Variants in CLIC5 observed in about 807,000 individuals in gnomAD.
CLIC5 encodes the protein chloride intracellular channel protein 5.
Under a neutral mutation model 24.7 loss-of-function variants are expected in CLIC5, and 20 were observed. The ratio of observed to expected loss-of-function variants is 0.81; its 90% CI spans 0.57 to 1.18. The LOEUF is 1.18. Ranked by LOEUF, CLIC5 falls within the 50% of genes most tolerant of loss-of-function variation. CLIC5 has a pLI of 0.00. For missense variants in CLIC5, 341 were observed against 326.1 expected (o/e 1.05, Z -0.35); for synonymous variants, 159 against 135.6 (o/e 1.17, Z -1.20).
chr6:46,009,235 C>T (rs1387739444), intron 1 of CLIC5, among the ~76,000 whole-genome samples: 1 of 151,858 alleles, frequency 6.6e-6, no homozygotes, highest in Non-Finnish European at 1.5e-5. Context: ...AAGTTAACAA[C>T]TCCATTTCTT....
chr6:45,886,907 T>G (rs9369587), intron 6 of CLIC5, among the ~76,000 whole-genome samples: 47,415 of 152,048 alleles, frequency 0.31, 8,606 homozygotes, highest in East Asian at 0.68. Flanking sequence ...GATCTCCTGA[T>G]CATTCCTGGG....
At chr6:46,096,667 C>CAAGCTGCG in the CLIC5 span, among the ~76,000 whole-genome samples, 1 of 152,300 alleles carries the variant, frequency 6.6e-6, no homozygotes, top group South Asian at 2.1e-4. Flanking sequence ...TAGCTGGCTG[C>CAAGCTGCG]AAGCTGCTTC....
chr6:46,057,411 C>T (rs955573128), intron 1 of CLIC5, among the ~76,000 whole-genome samples: 2 of 152,230 alleles, frequency 1.3e-5, no homozygotes, highest in Non-Finnish European at 2.9e-5. Context: ...TCTGAGTCCT[C>T]CCCAGCCATG....
At chr6:46,053,326 A>AAAGAAAACAGGAGAAT (rs1476246562) in intron 1 of CLIC5, among the ~76,000 whole-genome samples, 2 of 152,238 alleles carry the variant, frequency 1.3e-5, no homozygotes, top group Non-Finnish European at 2.9e-5. Context: ...CCAGTGATAT[A>AAAGAAAACAGGAGAAT]AAGAAAACAG....
At chr6:46,107,707 T>C in the CLIC5 span, among the ~76,000 whole-genome samples, 2 of 152,160 alleles carry the variant, frequency 1.3e-5, no homozygotes, top group Non-Finnish European at 2.9e-5. Flanking sequence ...TTTTAAAAGT[T>C]GTCTTAAATT....
At chr6:45,976,217 G>A (rs146779367) in intron 1 of CLIC5, among the ~76,000 whole-genome samples, 2 of 152,318 alleles carry the variant, frequency 1.3e-5, no homozygotes, top group African/African-American at 4.8e-5. Flanking sequence ...GGAATAAATG[G>A]TAAATAGGAG....
At chr6:45,932,410 T>C (rs761326034) in intron 4 of CLIC5, among the ~76,000 whole-genome samples, 56 of 152,224 alleles carry the variant, frequency 3.7e-4, no homozygotes, top group Non-Finnish European at 1.3e-4. Flanking sequence ...CCCGGCCTAA[T>C]TGTAAACTTT....
Position 46,006,000 on chromosome 6 carries a change from TTA to T in CLIC5, c.63+9478_63+9479del, listed in dbSNP as rs1265097108. On this transcript the variant is annotated intron_variant, in intron 1 of 5. Coordinates refer to ENST00000339561, the MANE Select transcript of CLIC5 (RefSeq NM_016929.5). ...TGTGTGTATATATATATATATATAT[TTA>T]TATATATATATATACACACATGTAT... is the stretch of plus-strand genomic sequence containing the variant. Among the ~76,000 whole-genome samples the T allele has an allele frequency of 4.9e-3, 516 of 106,132 alleles. 7 individuals carry two copies. Among genetic ancestry groups the T allele is most frequent in the African/African-American group, 0.014 (433 of 30,262 alleles). 69.6% of individuals were successfully genotyped at this position (106,132 alleles called of 152,430 possible).
At chr6:46,065,007 A>AT (rs1762402135) in intron 1 of CLIC5, among the ~76,000 whole-genome samples, 1 of 152,210 alleles carries the variant, frequency 6.6e-6, no homozygotes, top group South Asian at 2.1e-4. Context: ...GGCCATACTT[A>AT]TAAACTATTT....
the CLIC5 span, among the ~76,000 whole-genome samples, chr6:46,114,171 C>T: frequency 6.6e-6 from 1 of 152,136 alleles, no homozygotes; most frequent in Non-Finnish European, 1.5e-5. Context: ...TTATGTGGAA[C>T]CCTTTCTTGA....
chr6:45,954,995 C>T (rs1764595219), intron 2 of CLIC5, 140 bp downstream of exon 2: 2 of 579,774 alleles, frequency 3.4e-6, no homozygotes, highest in East Asian at 2.9e-5. Context: ...GTAGCTAAGA[C>T]TGGATCCTGA....
At chr6:45,980,649 T>C (rs1262895022) in intron 1 of CLIC5, among the ~76,000 whole-genome samples, 1 of 151,830 alleles carries the variant, frequency 6.6e-6, no homozygotes, top group Admixed American at 6.6e-5. Flanking sequence ...ATGCTAGTGA[T>C]AAAATGTTGT....
At chr6:46,034,903 C>T (rs187009117) in intron 1 of CLIC5, among the ~76,000 whole-genome samples, 12 of 152,244 alleles carry the variant, frequency 7.9e-5, no homozygotes, top group Admixed American at 3.3e-4. Context: ...GAAGTGGGAC[C>T]GTAATAGCTG....
intron 1 of CLIC5, among the ~76,000 whole-genome samples, chr6:46,047,239 G>A (rs1390285467): frequency 6.6e-6 from 1 of 152,188 alleles, no homozygotes; most frequent in Non-Finnish European, 1.5e-5. Context: ...TGGGTTTAGT[G>A]AGATATATTT....
chr6:46,125,647 T>C, the CLIC5 span, among the ~76,000 whole-genome samples: 1 of 152,204 alleles, frequency 6.6e-6, no homozygotes, highest in African/African-American at 2.4e-5. Context: ...CTGAGTCATG[T>C]AAAGTGAAAA....
At chr6:46,117,588 C>T in the CLIC5 span, among the ~76,000 whole-genome samples, 70 of 152,278 alleles carry the variant, frequency 4.6e-4, no homozygotes, top group Non-Finnish European at 7.8e-4. Context: ...CTTTTAATCA[C>T]ACTATTAGGA....
chr6:45,894,057 AAGAG>A (rs1278428480), downstream of CLIC5, among the ~76,000 whole-genome samples: 6 of 151,920 alleles, frequency 3.9e-5, no homozygotes, highest in Non-Finnish European at 8.8e-5. Context: ...ACTTGTGTCT[AAGAG>A]AGAGAGAAAC....
intron 1 of CLIC5, among the ~76,000 whole-genome samples, chr6:45,986,964 C>G (rs1019863392): frequency 2.6e-5 from 4 of 152,198 alleles, no homozygotes; most frequent in African/African-American, 9.7e-5. Flanking sequence ...GAGTCATTTT[C>G]CATGAACTAC....
chr6:45,914,996 C>G (rs997742979), intron 4 of CLIC5, among the ~76,000 whole-genome samples: 20 of 151,952 alleles, frequency 1.3e-4, no homozygotes, highest in Admixed American at 9.8e-4. Flanking sequence ...GTGGCGTGAT[C>G]TGGGCTCACT....
Sources: allele counts gnomAD v4.1 joint callset (sites outside exome capture counted in the v4.1 genomes callset), GRCh38; gene constraint gnomAD v4.1.1; transcripts MANE v1.5; gene names NCBI Gene and HGNC (gene_info 2026-07-23, HGNC 2026-07-21).